CEP192: variants seen among roughly 807,000 people sequenced by gnomAD.
CEP192 encodes the protein centrosomal protein 192, also known as centrosomal protein of 192 kDa.
Under a neutral mutation model 271.8 loss-of-function variants are expected in CEP192, and 151 were observed. The ratio of observed to expected loss-of-function variants is 0.56; its 90% CI spans 0.49 to 0.64. The LOEUF is 0.64. Ranked by LOEUF, CEP192 falls within the 30% of genes least tolerant of loss-of-function variation. The pLI is 0.00. For synonymous variants in CEP192, 995 were observed against 1,076.5 expected (o/e 0.92, Z 1.48); for missense variants, 2,910 against 3,020.5 (o/e 0.96, Z 0.86).
chr18:13,052,305 G>C (rs2036839863), intron 17 of CEP192, among the ~76,000 whole-genome samples: 1 of 152,172 alleles, frequency 6.6e-6, no homozygotes, highest in Non-Finnish European at 1.5e-5. Flanking sequence ...GTGTTGTATT[G>C]CATGTTTGTG....
intron 44 of CEP192, among the ~76,000 whole-genome samples, chr18:13,123,418 G>A (rs1423368264): frequency 6.6e-6 from 1 of 152,168 alleles, no homozygotes; most frequent in East Asian, 1.9e-4. Context: ...GTTATATCCA[G>A]GAAAAGGGCT....
rs142101540 is a variant in CEP192, at chr18:13,106,978, C to T, written c.7047+1899C>T. Among the ~76,000 whole-genome samples the T allele has an allele frequency of 3.8e-3, 579 of 152,262 alleles. 3 individuals are homozygous for T. Among genetic ancestry groups the T allele is most frequent in the Middle Eastern group, 0.02 (6 of 294 alleles). ...CTGTCTGTCACTGAGAAAAATACAC[C>T]AGCAAGACACAAGAAACTGTAATAC... On this transcript the variant is annotated intron_variant, in intron 40 of 44. Transcript: ENST00000506447.
At chr18:13,082,378 T>C (rs987237531) in intron 30 of CEP192, among the ~76,000 whole-genome samples, 2 of 152,026 alleles carry the variant, frequency 1.3e-5, no homozygotes, top group African/African-American at 4.8e-5. Flanking sequence ...TGGTCTCTTT[T>C]GATCTTTGTT....
At chr18:12,994,156 G>C (rs1455863493) in intron 1 of CEP192, among the ~76,000 whole-genome samples, 2 of 152,196 alleles carry the variant, frequency 1.3e-5, no homozygotes, top group Non-Finnish European at 2.9e-5. Context: ...TGCTCTTAGG[G>C]AGAAATTATT....
intron 30 of CEP192, among the ~76,000 whole-genome samples, chr18:13,086,294 GTT>G (rs2038893586): frequency 6.6e-6 from 1 of 152,188 alleles, no homozygotes; most frequent in Non-Finnish European, 1.5e-5. Context: ...AGACGATGGG[GTT>G]TTCTAAATAT....
intron 40 of CEP192, among the ~76,000 whole-genome samples, chr18:13,107,595 A>T (rs2040014775): frequency 6.6e-6 from 1 of 152,256 alleles, no homozygotes; most frequent in Admixed American, 6.5e-5. Flanking sequence ...AGGAATTATC[A>T]GAATAAGTAC....
At chr18:13,006,035 T>C (rs1192467426) in intron 3 of CEP192, among the ~76,000 whole-genome samples, 1 of 152,184 alleles carries the variant, frequency 6.6e-6, no homozygotes, top group Non-Finnish European at 1.5e-5. Context: ...TTCACTGAAT[T>C]CTAATTGGCA....
chr18:13,124,816 G>A lies in CEP192; in HGVS notation c.*46G>A, dbSNP rs1377818826. 2.8e-6 allele frequency: 4 copies of A among 1,427,372 alleles called. No homozygotes were observed. The Admixed American group carries it at 5.4e-5, about 19-fold the overall frequency. The allele number at this position is 1,427,372 out of a possible 1,614,324, so 88.4% of individuals were successfully genotyped here. A position where few individuals can be genotyped will look rare whatever the true frequency, so the allele number is the denominator to read the frequency against. ...AAGTAAATTACATAAGTTGTATTTT[G>A]TTAACTTTATCTTTCTACACTACAA... On this transcript the variant is annotated 3_prime_UTR_variant, in exon 45 of 45. Transcript: ENST00000506447.
At chr18:13,010,392 G>GA (rs2034269109) in intron 4 of CEP192, among the ~76,000 whole-genome samples, 1 of 152,078 alleles carries the variant, frequency 6.6e-6, no homozygotes, top group Admixed American at 6.6e-5. Flanking sequence ...TTATATGTTA[G>GA]AAAAATTTTA....
Position 13,008,625 on chromosome 18 carries a change from G to A in CEP192, c.460G>A (p.Ala154Thr), listed in dbSNP as rs1418949527. The A allele has an allele frequency of 6.5e-7, 1 of 1,546,814 alleles. No individual in the cohort carries two copies. The highest frequency in any genetic ancestry group is 1.2e-5 in the South Asian group (1 of 83,212). The change falls in exon 4 of 45, where the codon GCA (alanine) becomes ACA (threonine). Residue 154 changes from alanine to threonine, a missense_variant. Coordinates refer to ENST00000506447, the MANE Select transcript of CEP192 (RefSeq NM_032142.4). ...LFNRASPLEQ[A>T]QDSPIDFHLQ... ...CAACAGGGCTTCACCACTGGAACAAGCACAAGGTACTGAACTATTTGAAAT... is the reference window on the plus strand; with the variant it reads ...CAACAGGGCTTCACCACTGGAACAAACACAAGGTACTGAACTATTTGAAAT...
At chr18:12,992,882 A>G (rs1051436598) in intron 1 of CEP192, among the ~76,000 whole-genome samples, 1 of 152,168 alleles carries the variant, frequency 6.6e-6, no homozygotes, top group African/African-American at 2.4e-5. Flanking sequence ...TTGATAATGA[A>G]TGTTGCATGA....
chr18:13,041,792 C>G (rs935303294), intron 14 of CEP192, among the ~76,000 whole-genome samples: 5 of 152,142 alleles, frequency 3.3e-5, no homozygotes, highest in African/African-American at 1.2e-4. Flanking sequence ...TCTCAAACTC[C>G]TGACCTCAAG....
rs2033645078 is a variant in CEP192, at chr18:13,001,545, C to T, written c.253C>T (p.Pro85Ser). 3 of 1,550,618 alleles carry T rather than the reference C, an allele frequency of 1.9e-6. No homozygotes were observed. Among genetic ancestry groups the T allele is most frequent in the Non-Finnish European group, 2.6e-6 (3 of 1,146,626 alleles). The change falls in exon 3 of 45, where the codon CCA (proline) becomes TCA (serine). Residue 85 changes from proline (P) to serine (S), a missense_variant. Transcript: ENST00000506447. ...TCCCGGAAGCCAGAGTGATGCTGAA[C>T]CAAGAGAGAGGTTACAGCTTAGCTT... ...SSPGSQSDAE[P>S]RERLQLSFQD...
chr18:13,121,003 A>C (rs2040631653), intron 44 of CEP192, among the ~76,000 whole-genome samples: 1 of 152,250 alleles, frequency 6.6e-6, no homozygotes, highest in Non-Finnish European at 1.5e-5. Context: ...CAGTAGAGGC[A>C]GATACCACAG....
intron 6 of CEP192, among the ~76,000 whole-genome samples, chr18:13,016,180 A>G (rs1411736724): frequency 6.6e-6 from 1 of 152,140 alleles, no homozygotes; most frequent in Non-Finnish European, 1.5e-5. Flanking sequence ...AGGGGGTGAG[A>G]AATTAACTCT....
chr18:13,103,725 C>A, intron 39 of CEP192, 137 bp downstream of exon 39: 1 of 757,944 alleles, frequency 1.3e-6, no homozygotes, highest in South Asian at 1.5e-5. Flanking sequence ...AAGTCTTGCT[C>A]TGTCGCCCAG....
At chr18:13,123,586 AG>A (rs1223147763) in intron 44 of CEP192, among the ~76,000 whole-genome samples, 2 of 152,290 alleles carry the variant, frequency 1.3e-5, no homozygotes, top group East Asian at 1.9e-4. Context: ...GACGAGACTA[AG>A]GGGTGAAGTA....
At chr18:13,024,271 A>T in intron 9 of CEP192, 1 of 455,062 alleles carries the variant, frequency 2.2e-6, no homozygotes. Context: ...AACTTTCCCT[A>T]CTTTGAAGTC....
intron 30 of CEP192, among the ~76,000 whole-genome samples, chr18:13,079,076 G>A (rs1458041177): frequency 6.6e-6 from 1 of 152,148 alleles, no homozygotes; most frequent in Non-Finnish European, 1.5e-5. Context: ...TTGCTATTGT[G>A]AATAGTGCCG....
Sources: allele counts gnomAD v4.1 joint callset (sites outside exome capture counted in the v4.1 genomes callset), GRCh38; gene constraint gnomAD v4.1.1; transcripts MANE v1.5; gene names NCBI Gene and HGNC (gene_info 2026-07-23, HGNC 2026-07-21).